NLRX1: variants seen among roughly 807,000 people sequenced by gnomAD.
NLRX1 encodes NLR family member X1.
In NLRX1, 67 loss-of-function variants were observed where a neutral mutation model predicts 74.2. That is an observed-to-expected ratio of 0.90 (90% confidence interval 0.74 to 1.11). The LOEUF (loss-of-function observed/expected upper bound fraction) is 1.11. Ranked by LOEUF, NLRX1 falls within the 50% of genes least tolerant of loss-of-function variation. The pLI is 0.00. For synonymous variants in NLRX1, 506 were observed against 559.1 expected (o/e 0.91, Z 1.34); for missense variants, 1,191 against 1,305.4 (o/e 0.91, Z 1.35).
At position 119,179,857 on chromosome 11, in the gene NLRX1, T is replaced by G; in HGVS notation, c.1836T>G (p.Asp612Glu). The change falls in exon 7 of 10, where the codon GAT becomes GAG. Residue 612 changes from aspartate (D) to glutamate (E), a missense_variant. By Grantham distance (45) the Asp-to-Glu change is conservative. Coordinates refer to ENST00000409109, the MANE Select transcript of NLRX1 (RefSeq NM_001282144.2). Reference protein sequence around the residue: ...LGVEGPRRHPDEPPEDEVFEL... With the variant: ...LGVEGPRRHPEEPPEDEVFEL... The stretch of plus-strand genomic sequence containing the variant: ...TGGAGGGCCCCCGGCGCCACCCAGA[T>G]GAGCCCCCTGAGGATGAAGTCTTCG... The G allele has an allele frequency of 6.2e-7, 1 of 1,614,018 alleles. No individual in the cohort carries two copies. The highest frequency in any genetic ancestry group is 8.5e-7 in the Non-Finnish European group (1 of 1,179,982).
chr11:119,171,390 C>A lies in NLRX1; in HGVS notation c.-14C>A, dbSNP rs139757513. The A allele has an allele frequency of 1.9e-6, 3 of 1,613,470 alleles. No homozygotes were observed. In the African/African-American group the frequency reaches 4.0e-5, roughly 22 times the overall value. On this transcript the variant is annotated 5_prime_UTR_variant, in exon 2 of 10. Transcript: ENST00000409109. The stretch of plus-strand genomic sequence containing the variant: ...CGGTCCTAGGCCCCCCAGGCTCTGA[C>A]CTTCTTTCCCAGGATGAGGTGGGGC...
At chr11:119,170,507 G>A (rs2135150695) in intron 1 of NLRX1, among the ~76,000 whole-genome samples, 1 of 152,318 alleles carries the variant, frequency 6.6e-6, no homozygotes, top group Non-Finnish European at 1.5e-5. Context: ...GAAGTTTGAA[G>A]CAGTGGCAGG....
rs760193391 is a variant in NLRX1 at position 119,174,041 on chromosome 11, AC to A, written c.794del (p.Pro265ArgfsTer24). ...GTGLCSDPEE[P>X]QEPAAIIVNL... ...CGGGACTTTGTAGTGACCCGGAGGA[AC>A]CGCAGGAACCAGCTGCTATCATCGT... On this transcript the variant is annotated frameshift_variant, in exon 5 of 10. Coordinates refer to ENST00000409109, the MANE Select transcript of NLRX1 (RefSeq NM_001282144.2). LOFTEE classifies it high-confidence loss of function. 2 of 1,614,056 alleles carry A rather than the reference AC, an allele frequency of 1.2e-6. No individual in the cohort carries two copies. The highest frequency in any genetic ancestry group is 1.7e-6 in the Non-Finnish European group (2 of 1,180,020).
At chr11:119,178,057 T>G (rs1948741336) in intron 6 of NLRX1, 1 of 152,148 alleles carries the variant, frequency 6.6e-6, no homozygotes, top group Non-Finnish European at 1.5e-5. Context: ...TAGTCACAGC[T>G]GTCAGGAGGC....
Position 119,175,228 on chromosome 11 carries a change from AGCT to A in NLRX1, c.1631_1633del (p.Leu544del), listed in dbSNP as rs1236599266. 3.1e-6 allele frequency: 5 copies of A among 1,614,028 alleles called. No individual in the cohort carries two copies. In the Admixed American group the frequency reaches 5.0e-5, roughly 16 times the overall value. The stretch of plus-strand genomic sequence containing the variant: ...AGCCTGGTACTGGGCATCATGGCCA[AGCT>A]GCTGCCTCTGCGGGCTCTGCCTCTG... On this transcript the variant is annotated inframe_deletion, in exon 6 of 10. Coordinates refer to ENST00000409109, the MANE Select transcript of NLRX1 (RefSeq NM_001282144.2).
At position 119,183,847 on chromosome 11, in the gene NLRX1, A is replaced by C; in HGVS notation, c.*408A>C. The C allele has an allele frequency of 1.3e-6, 1 of 780,820 alleles. No homozygotes were observed. The highest frequency in any genetic ancestry group is 2.4e-6 in the Non-Finnish European group (1 of 417,968). The allele number at this position is 780,820 out of a possible 1,614,324, so 48.4% of individuals were successfully genotyped here. A position where few individuals can be genotyped will look rare whatever the true frequency, so the allele number is the denominator to read the frequency against. Reference sequence around the variant, plus strand: ...GGTGTCGCCATCCAGATGTGTTGGAAGCTTCCCCTCCTGCCTTATGCTCAC... The same window carrying C: ...GGTGTCGCCATCCAGATGTGTTGGACGCTTCCCCTCCTGCCTTATGCTCAC... On this transcript the variant is annotated 3_prime_UTR_variant, in exon 10 of 10. Transcript: ENST00000409109. The surrounding 1 kb of genome is among the most constrained non-coding windows in gnomAD (Gnocchi z 5.7).
chr11:119,182,983 G>C (rs1948878946), intron 9 of NLRX1, 135 bp from the exon 10 acceptor site: 1 of 712,846 alleles, frequency 1.4e-6, no homozygotes, highest in South Asian at 1.9e-5. Context: ...TCCACCTCTG[G>C]CTCATTGCAG....
At chr11:119,179,365 T>TG (rs1948770820) in intron 6 of NLRX1, among the ~76,000 whole-genome samples, 1 of 152,198 alleles carries the variant, frequency 6.6e-6, no homozygotes, top group South Asian at 2.1e-4. Context: ...CCAGGTGCAG[T>TG]GGCTTATGCC....
chr11:119,178,931 C>A (rs538532203), intron 6 of NLRX1, among the ~76,000 whole-genome samples: 3 of 152,256 alleles, frequency 2.0e-5, no homozygotes, highest in African/African-American at 7.2e-5. Flanking sequence ...GTGATCCTCC[C>A]ACCTCGGCCT....
intron 3 of NLRX1, 109 bp from the exon 4 acceptor site, chr11:119,172,792 T>A (rs1341512045): frequency 1.2e-6 from 1 of 827,562 alleles, no homozygotes; most frequent in Non-Finnish European, 2.1e-6. Flanking sequence ...GTGGGGCCTT[T>A]ATCTCAGGAA....
At chr11:119,182,919 C>CAA (rs371710220) in intron 9 of NLRX1, among the ~76,000 whole-genome samples, 199 bp from the exon 10 acceptor site, 1 of 141,168 alleles carries the variant, frequency 7.1e-6, no homozygotes, top group African/African-American at 2.6e-5. Flanking sequence ...AAAACAAAAA[C>CAA]AAAAAAAAAA....
In NLRX1 at chr11:119,183,407, C is replaced by CT; in HGVS notation, c.2897dup (p.Leu967ProfsTer54). 5 of 1,613,436 alleles carry CT rather than the reference C, an allele frequency of 3.1e-6. No homozygotes were observed. The highest frequency in any genetic ancestry group is 4.2e-6 in the Non-Finnish European group (5 of 1,179,832). ...GCGAGTGGAGGGCGAGGTCAGGGCC[C>CT]TCCTGGAGCAGCTGGGAAGCTCTGG... On this transcript the variant is annotated frameshift_variant, in exon 10 of 10. Coordinates refer to ENST00000409109, the MANE Select transcript of NLRX1 (RefSeq NM_001282144.2). LOFTEE classifies it high-confidence loss of function. This position sits in a 1 kb window ranked among gnomAD's most constrained non-coding sequence, Gnocchi z 5.7.
Position 119,181,273 on chromosome 11 carries a change from G to A in NLRX1, c.2354+16G>A. On this transcript the variant is annotated intron_variant, in intron 8 of 9. Transcript: ENST00000409109. Reference sequence around the variant, plus strand: ...CCACACTGCGGTGAGTGACCTGGGAGTGGGGCATCCTGGTGGCCAGCTAAG... The same window carrying A: ...CCACACTGCGGTGAGTGACCTGGGAATGGGGCATCCTGGTGGCCAGCTAAG... The A allele has an allele frequency of 6.2e-7, 1 of 1,606,138 alleles. No homozygotes were observed. The highest frequency in any genetic ancestry group is 1.1e-5 in the South Asian group (1 of 90,924).
At chr11:119,182,918 A>G (rs1948876400) in intron 9 of NLRX1, among the ~76,000 whole-genome samples, 200 bp from the exon 10 acceptor site, 1 of 149,620 alleles carries the variant, frequency 6.7e-6, no homozygotes, top group Non-Finnish European at 1.5e-5. Flanking sequence ...AAAAACAAAA[A>G]CAAAAAAAAA....
intron 5 of NLRX1, 139 bp downstream of exon 5, chr11:119,174,237 C>G: frequency 8.2e-7 from 1 of 1,215,712 alleles, no homozygotes; most frequent in Non-Finnish European, 1.1e-6. Flanking sequence ...GCCTTCTGTT[C>G]CTTTCTTTTT....
chr11:119,171,909 C>T (rs1018492817), intron 2 of NLRX1, among the ~76,000 whole-genome samples: 4 of 151,572 alleles, frequency 2.6e-5, no homozygotes, highest in African/African-American at 4.9e-5. Flanking sequence ...GAGCTGAGAT[C>T]GCACCATTGC....
chr11:119,171,388 G>A lies in NLRX1; in HGVS notation c.-16G>A. ...GTCGGTCCTAGGCCCCCCAGGCTCT[G>A]ACCTTCTTTCCCAGGATGAGGTGGG... is the stretch of plus-strand genomic sequence containing the variant. On this transcript the variant is annotated 5_prime_UTR_variant, in exon 2 of 10. Transcript: ENST00000409109. The A allele has an allele frequency of 6.2e-7, 1 of 1,613,408 alleles. No homozygotes were observed. The highest frequency in any genetic ancestry group is 8.5e-7 in the Non-Finnish European group (1 of 1,179,800).
intron 6 of NLRX1, among the ~76,000 whole-genome samples, chr11:119,176,996 T>G (rs1336148069): frequency 6.6e-6 from 1 of 152,210 alleles, no homozygotes; most frequent in East Asian, 1.9e-4. Context: ...GAGATAATAC[T>G]AGAACTTATA....
chr11:119,181,437 C>A, intron 8 of NLRX1, 180 bp downstream of exon 8: 1 of 594,618 alleles, frequency 1.7e-6, no homozygotes, highest in Non-Finnish European at 3.1e-6. Flanking sequence ...AGCAGGGAAA[C>A]ATGCCACCTG....
Sources: gnomAD v4.1 joint callset for allele counts (sites outside exome capture counted in the v4.1 genomes callset) on GRCh38, gnomAD v4.1.1 for gene constraint, Gnocchi (gnomAD v3.1) non-coding constraint, MANE v1.5 for transcripts, NCBI Gene and HGNC (gene_info 2026-07-23, HGNC 2026-07-21) for gene names.